Variants in PABPC4L observed in about 807,000 individuals in gnomAD.
PABPC4L encodes polyadenylate-binding protein 4-like.
For synonymous variants in PABPC4L, 169 were observed against 164.1 expected (o/e 1.03, Z -0.23); for missense variants, 452 against 451.4 (o/e 1.00, Z -0.01).
the PABPC4L span, among the ~76,000 whole-genome samples, chr4:134,025,681 T>TTA: frequency 1.3e-5 from 2 of 152,158 alleles, no homozygotes; most frequent in African/African-American, 4.8e-5. Context: ...TTAAAACATT[T>TTA]TATATATAGG....
chr4:134,022,906 A>C, the PABPC4L span, among the ~76,000 whole-genome samples: 1 of 151,976 alleles, frequency 6.6e-6, no homozygotes, highest in Non-Finnish European at 1.5e-5. Context: ...ACTATATTTT[A>C]GTCTTTAAAG....
the PABPC4L span, among the ~76,000 whole-genome samples, chr4:134,011,679 A>G: frequency 6.6e-6 from 1 of 152,066 alleles, no homozygotes; most frequent in Admixed American, 6.6e-5. Flanking sequence ...ATAACGCCAA[A>G]CTTTTTGAAG....
At chr4:133,968,577 G>A in the PABPC4L span, among the ~76,000 whole-genome samples, 2 of 152,126 alleles carry the variant, frequency 1.3e-5, no homozygotes, top group Admixed American at 6.5e-5. Flanking sequence ...GGCTTAAAGT[G>A]GCTCCAGTTG....
chr4:134,123,071 G>A, the PABPC4L span, among the ~76,000 whole-genome samples: 1 of 151,868 alleles, frequency 6.6e-6, no homozygotes, highest in Non-Finnish European at 1.5e-5. Flanking sequence ...ACAGGGTTAG[G>A]TACCTGTGAG....
At chr4:134,147,901 G>A in the PABPC4L span, among the ~76,000 whole-genome samples, 1 of 151,976 alleles carries the variant, frequency 6.6e-6, no homozygotes, top group Non-Finnish European at 1.5e-5. Context: ...CATTACAATC[G>A]GCTATCACAG....
At chr4:134,058,979 A>C in the PABPC4L span, among the ~76,000 whole-genome samples, 5 of 152,040 alleles carry the variant, frequency 3.3e-5, no homozygotes, top group East Asian at 9.6e-4. Context: ...AAAAAATCAA[A>C]TTGAACTGCA....
the PABPC4L span, among the ~76,000 whole-genome samples, chr4:134,063,546 C>A: frequency 6.6e-6 from 1 of 151,812 alleles, no homozygotes; most frequent in East Asian, 1.9e-4. Flanking sequence ...GAAATATATA[C>A]CCACAATAAT....
At chr4:134,071,105 G>T in the PABPC4L span, among the ~76,000 whole-genome samples, 1 of 152,140 alleles carries the variant, frequency 6.6e-6, no homozygotes, top group Non-Finnish European at 1.5e-5. Context: ...AGGTCATAAG[G>T]TCTCCTGCTG....
At chr4:134,182,471 T>C in the PABPC4L span, among the ~76,000 whole-genome samples, 271 of 151,966 alleles carry the variant, frequency 1.8e-3, no homozygotes, top group African/African-American at 6.3e-3. Flanking sequence ...TAAGGACTTA[T>C]ATGTAAAGCC....
At chr4:134,155,412 T>TCACACACACACACA in the PABPC4L span, among the ~76,000 whole-genome samples, 993 of 147,096 alleles carry the variant, frequency 6.8e-3, 16 homozygotes, top group African/African-American at 0.021. Flanking sequence ...CTCTCCCAGT[T>TCACACACACACACA]CACACACACA....
At chr4:134,188,703 T>A in the PABPC4L span, among the ~76,000 whole-genome samples, 107,412 of 151,720 alleles carry the variant, frequency 0.71, 39,587 homozygotes, top group East Asian at 1. Flanking sequence ...ATAAGGTGTC[T>A]TTTTCTTCTG....
At chr4:133,993,204 G>A in the PABPC4L span, among the ~76,000 whole-genome samples, 1 of 152,172 alleles carries the variant, frequency 6.6e-6, no homozygotes, top group Non-Finnish European at 1.5e-5. Flanking sequence ...TGTGCTAATA[G>A]TGTTGCAGGG....
At chr4:134,092,855 C>T in the PABPC4L span, among the ~76,000 whole-genome samples, 1 of 152,028 alleles carries the variant, frequency 6.6e-6, no homozygotes, top group African/African-American at 2.4e-5. Context: ...AAAACAATTC[C>T]CCAGTGAAAA....
At chr4:134,173,763 A>T in the PABPC4L span, among the ~76,000 whole-genome samples, 1 of 152,158 alleles carries the variant, frequency 6.6e-6, no homozygotes, top group Non-Finnish European at 1.5e-5. Flanking sequence ...TTGATGCATA[A>T]GCCAATTACC....
chr4:134,127,913 A>G, the PABPC4L span, among the ~76,000 whole-genome samples: 2 of 152,124 alleles, frequency 1.3e-5, no homozygotes, highest in African/African-American at 2.4e-5. Flanking sequence ...AAGAATTGAT[A>G]CAGGATATGA....
At chr4:134,092,113 AG>A in the PABPC4L span, among the ~76,000 whole-genome samples, 29 of 152,046 alleles carry the variant, frequency 1.9e-4, no homozygotes, top group African/African-American at 7.0e-4. Context: ...TACTGGGTAG[AG>A]GGGGGTGGTT....
At chr4:133,985,765 T>C in the PABPC4L span, among the ~76,000 whole-genome samples, 17 of 152,068 alleles carry the variant, frequency 1.1e-4, no homozygotes, top group South Asian at 2.3e-3. Context: ...TAATAAATTA[T>C]TCTTGAATCC....
At chr4:134,069,691 AT>A in the PABPC4L span, among the ~76,000 whole-genome samples, 1 of 152,178 alleles carries the variant, frequency 6.6e-6, no homozygotes, top group Non-Finnish European at 1.5e-5. Context: ...CTTTCTTAAA[AT>A]GACCATTTCA....
chr4:134,060,201 T>C, the PABPC4L span, among the ~76,000 whole-genome samples: 1,039 of 152,186 alleles, frequency 6.8e-3, 7 homozygotes, highest in Middle Eastern at 0.01. Flanking sequence ...ATTTGAGTTC[T>C]GGTAAGCCTT....
Sources: allele counts gnomAD v4.1 joint callset (sites outside exome capture counted in the v4.1 genomes callset), GRCh38; gene constraint gnomAD v4.1.1; transcripts MANE v1.5; gene names NCBI Gene and HGNC (gene_info 2026-07-23, HGNC 2026-07-21).